PIK3AP1: variants seen among roughly 807,000 people sequenced by gnomAD.
PIK3AP1 encodes the protein phosphoinositide-3-kinase adaptor protein 1.
PIK3AP1 carries 21 observed loss-of-function variants against 88.1 expected under a neutral mutation model. The observed-to-expected ratio is 0.24, with a 90% CI of 0.17 to 0.34. PIK3AP1 has a LOEUF of 0.34. Among genes scored for constraint, PIK3AP1 ranks in the 10% least tolerant of loss-of-function variants. The pLI, the probability that PIK3AP1 is intolerant of heterozygous loss-of-function variation, is 1.00. For missense variants in PIK3AP1, 828 were observed against 1,035.7 expected (o/e 0.80, Z 2.75); for synonymous variants, 398 against 400.0 (o/e 1.00, Z 0.06).
chr10:96,675,035 G>C (rs1201333068), intron 2 of PIK3AP1, among the ~76,000 whole-genome samples: 1 of 152,166 alleles, frequency 6.6e-6, no homozygotes, highest in African/African-American at 2.4e-5. Context: ...TGGGATTACA[G>C]GCATGTGTCA....
chr10:96,643,572 G>C (rs1843419895), intron 8 of PIK3AP1, among the ~76,000 whole-genome samples: 1 of 152,200 alleles, frequency 6.6e-6, no homozygotes, highest in Admixed American at 6.5e-5. Flanking sequence ...AGGTGACGGA[G>C]AGGAGCTTTT....
intron 2 of PIK3AP1, among the ~76,000 whole-genome samples, chr10:96,703,160 G>A (rs1462813883): frequency 2.0e-5 from 3 of 152,160 alleles, no homozygotes; most frequent in Non-Finnish European, 4.4e-5. Context: ...TTACAGTTGT[G>A]AGCCACTGCA....
In PIK3AP1 at chr10:96,709,705, C is replaced by A; in HGVS notation, c.292G>T (p.Val98Leu). Residue 98 changes from valine (V) to leucine (L), a missense_variant, in exon 2 of 17, where the codon GTG becomes TTG. Transcript: ENST00000339364. ...LQRAFHPPHR[V>L]VRLLCGVRDS... ...CGCACGCCGCAGAGCAGCCTGACCACGCGGTGCGGAGGATGGAAAGCTCTC... is the reference window on the plus strand; with the variant it reads ...CGCACGCCGCAGAGCAGCCTGACCAAGCGGTGCGGAGGATGGAAAGCTCTC... The A allele has an allele frequency of 6.2e-7, 1 of 1,614,242 alleles. No homozygotes were observed. The highest frequency in any genetic ancestry group is 1.1e-5 in the South Asian group (1 of 91,088).
intron 8 of PIK3AP1, among the ~76,000 whole-genome samples, chr10:96,642,060 G>A (rs1269893560): frequency 5.9e-5 from 9 of 152,070 alleles, no homozygotes; most frequent in African/African-American, 1.2e-4. Flanking sequence ...TAAACTTGAC[G>A]CCACAGAGAC....
chr10:96,707,092 C>T (rs139215256), intron 2 of PIK3AP1, among the ~76,000 whole-genome samples: 94 of 152,270 alleles, frequency 6.2e-4, no homozygotes, highest in African/African-American at 2.0e-3. Context: ...GCTCTTAGAA[C>T]AGGAGCACCC....
intron 8 of PIK3AP1, among the ~76,000 whole-genome samples, chr10:96,629,241 CA>C (rs1843204451): frequency 6.6e-6 from 1 of 151,772 alleles, no homozygotes. Flanking sequence ...CTAAGGCCTA[CA>C]AAAATATAGT....
intron 8 of PIK3AP1, among the ~76,000 whole-genome samples, chr10:96,630,278 C>G (rs1000444932): frequency 6.6e-6 from 1 of 152,166 alleles, no homozygotes; most frequent in African/African-American, 2.4e-5. Flanking sequence ...CAGGGCACTA[C>G]GATTCCAAAT....
chr10:96,639,052 G>T (rs1164714152), intron 8 of PIK3AP1, among the ~76,000 whole-genome samples: 1 of 152,216 alleles, frequency 6.6e-6, no homozygotes, highest in African/African-American at 2.4e-5. Flanking sequence ...TTCTCAAGCC[G>T]AGAAAAGAGA....
intron 16 of PIK3AP1, among the ~76,000 whole-genome samples, chr10:96,601,473 C>CAAAAAA (rs11407501): frequency 4.0e-5 from 3 of 75,478 alleles, no homozygotes; most frequent in Admixed American, 3.3e-4. Context: ...GAATCTATCT[C>CAAAAAA]AAAAAAAAAA....
At chr10:96,694,539 CT>C (rs34190226) in intron 2 of PIK3AP1, among the ~76,000 whole-genome samples, 1,281 of 107,570 alleles carry the variant, frequency 0.012, 11 homozygotes, top group African/African-American at 0.024. Flanking sequence ...TCCTTTCTTT[CT>C]TTTTTTTTTT....
intron 8 of PIK3AP1, among the ~76,000 whole-genome samples, chr10:96,630,784 G>C (rs1272814042): frequency 6.6e-6 from 1 of 152,104 alleles, no homozygotes; most frequent in Non-Finnish European, 1.5e-5. Flanking sequence ...TCTGGCTGCA[G>C]TGAGTTAGGA....
At chr10:96,651,962 G>A (rs1843544852) in intron 4 of PIK3AP1, among the ~76,000 whole-genome samples, 1 of 152,154 alleles carries the variant, frequency 6.6e-6, no homozygotes, top group Admixed American at 6.5e-5. Context: ...AGAAAATTCG[G>A]GTTTAAGGCA....
intron 1 of PIK3AP1, among the ~76,000 whole-genome samples, chr10:96,717,257 CAAAAAAAAAAAA>C (rs1325729375): frequency 1.1e-5 from 1 of 93,426 alleles, no homozygotes; most frequent in South Asian, 3.5e-4. Context: ...GACTCCGTCT[CAAAAAAAAAAAA>C]AAAAAAACTC....
At chr10:96,652,158 A>T (rs1564971102) in intron 4 of PIK3AP1, among the ~76,000 whole-genome samples, 1 of 152,224 alleles carries the variant, frequency 6.6e-6, no homozygotes, top group Non-Finnish European at 1.5e-5. Flanking sequence ...AGAGAAAATT[A>T]AAAATAACAC....
chr10:96,605,487 A>G (rs888678400), intron 14 of PIK3AP1, among the ~76,000 whole-genome samples: 1 of 152,246 alleles, frequency 6.6e-6, no homozygotes, highest in African/African-American at 2.4e-5. Context: ...AGAAAAAATA[A>G]GAGTTAATCA....
chr10:96,600,897 T>C (rs1375729669), intron 16 of PIK3AP1, among the ~76,000 whole-genome samples: 1 of 152,224 alleles, frequency 6.6e-6, no homozygotes, highest in Non-Finnish European at 1.5e-5. Flanking sequence ...TCTGCATCTG[T>C]GGACACACAG....
chr10:96,628,560 T>C (rs764188197), intron 8 of PIK3AP1, 67 bp from the exon 9 acceptor site: 7 of 1,302,040 alleles, frequency 5.4e-6, no homozygotes, highest in Non-Finnish European at 7.8e-6. Context: ...TTTTTACAGA[T>C]GGAACTATGA....
chr10:96,683,039 T>C (rs1321539488), intron 2 of PIK3AP1, among the ~76,000 whole-genome samples: 1 of 152,232 alleles, frequency 6.6e-6, no homozygotes, highest in East Asian at 1.9e-4. Flanking sequence ...TTTGGTCCAG[T>C]GTTAAGAATC....
chr10:96,666,291 C>T (rs778374146), intron 2 of PIK3AP1, among the ~76,000 whole-genome samples: 12 of 152,018 alleles, frequency 7.9e-5, no homozygotes, highest in South Asian at 6.3e-4. Flanking sequence ...TGGTAGCAGG[C>T]GCCTGTAGTC....
Sources: gnomAD v4.1 joint callset for allele counts (sites outside exome capture counted in the v4.1 genomes callset) on GRCh38, gnomAD v4.1.1 for gene constraint, MANE v1.5 for transcripts, NCBI Gene and HGNC (gene_info 2026-07-23, HGNC 2026-07-21) for gene names.